METTL15: variants seen among roughly 807,000 people sequenced by gnomAD.
METTL15 encodes the protein 12S rRNA N(4)-cytidine methyltransferase METTL15.
Under a neutral mutation model 38.3 loss-of-function variants are expected in METTL15, and 34 were observed. The observed-to-expected ratio is 0.89, with a 90% CI of 0.68 to 1.18. METTL15 has a LOEUF of 1.18. METTL15 is among the 50% of genes most tolerant of loss of function. The pLI is 0.00. For synonymous variants in METTL15, 162 were observed against 170.9 expected, an observed-to-expected ratio of 0.95 and a Z score of 0.41; for missense variants, 438 against 498.4, an observed-to-expected ratio of 0.88 and a Z score of 1.15.
intron 3 of METTL15, among the ~76,000 whole-genome samples, chr11:28,346,446 T>G (rs1050124159): frequency 6.6e-6 from 1 of 152,192 alleles, no homozygotes; most frequent in Admixed American, 6.5e-5. Context: ...TTATGCAATC[T>G]GGAGGACTTT....
intron 3 of METTL15, among the ~76,000 whole-genome samples, chr11:28,196,337 A>G (rs1851908196): frequency 1.3e-5 from 2 of 151,934 alleles, no homozygotes; most frequent in South Asian, 4.1e-4. Flanking sequence ...CCATGAACGT[A>G]GGATGTATTT....
chr11:28,204,140 T>C (rs934755270), intron 3 of METTL15, among the ~76,000 whole-genome samples: 7 of 152,102 alleles, frequency 4.6e-5, no homozygotes, highest in Admixed American at 2.6e-4. Flanking sequence ...TTTGCACTGA[T>C]GCTGCCACAT....
intron 6 of METTL15, among the ~76,000 whole-genome samples, chr11:28,456,291 G>A (rs1287364240): frequency 6.6e-6 from 1 of 152,106 alleles, no homozygotes; most frequent in African/African-American, 2.4e-5. Flanking sequence ...TACAGGCATT[G>A]ACTGCCATGT....
intron 6 of METTL15, among the ~76,000 whole-genome samples, chr11:28,434,205 T>G (rs1850961555): frequency 6.6e-6 from 1 of 152,194 alleles, no homozygotes; most frequent in African/African-American, 2.4e-5. Flanking sequence ...CCCCTTCACT[T>G]GGCTCTTATT....
intron 4 of METTL15, among the ~76,000 whole-genome samples, chr11:28,221,738 A>C (rs1278752787): frequency 6.6e-6 from 1 of 151,988 alleles, no homozygotes; most frequent in South Asian, 2.1e-4. Context: ...TTTGGTGTGG[A>C]TGTCCTTTCT....
chr11:28,200,344 A>G (rs1852063241), intron 3 of METTL15, among the ~76,000 whole-genome samples: 1 of 152,150 alleles, frequency 6.6e-6, no homozygotes, highest in South Asian at 2.1e-4. Flanking sequence ...TTTGAGAATT[A>G]CTTAATTAAC....
intron 3 of METTL15, among the ~76,000 whole-genome samples, chr11:28,163,071 A>C (rs1850527324): frequency 6.6e-6 from 1 of 152,086 alleles, no homozygotes; most frequent in African/African-American, 2.4e-5. Context: ...GGGCAATAGA[A>C]TTTGTTGAAA....
intron 3 of METTL15, among the ~76,000 whole-genome samples, chr11:28,133,908 A>G (rs1029774101): frequency 6.6e-6 from 1 of 152,184 alleles, no homozygotes; most frequent in African/African-American, 2.4e-5. Flanking sequence ...GTAATTTTTT[A>G]TGCAGGATAC....
At chr11:28,340,108 T>C (rs1476494115) in intron 3 of METTL15, among the ~76,000 whole-genome samples, 1 of 152,126 alleles carries the variant, frequency 6.6e-6, no homozygotes, top group African/African-American at 2.4e-5. Context: ...ATACGTACAC[T>C]AATTTGTTTT....
intron 5 of METTL15, among the ~76,000 whole-genome samples, chr11:28,406,383 A>G (rs118073785): frequency 0.01 from 1,583 of 151,780 alleles, 17 homozygotes; most frequent in Middle Eastern, 0.024. Context: ...CTGCTTGCCT[A>G]TTGTTGGTGT....
chr11:28,303,264 C>T (rs1218885009), intron 6 of METTL15, among the ~76,000 whole-genome samples: 2 of 152,124 alleles, frequency 1.3e-5, no homozygotes, highest in Non-Finnish European at 2.9e-5. Flanking sequence ...TAATTCTAGA[C>T]CTCATCTTTC....
At chr11:28,334,481 G>A (rs1351755656), downstream of METTL15, among the ~76,000 whole-genome samples, 1 of 151,944 alleles carries the variant, frequency 6.6e-6, no homozygotes, top group Admixed American at 6.6e-5. Context: ...ACAGGGATAA[G>A]CATTTAAACA....
At chr11:28,430,937 T>C (rs1309769424) in intron 6 of METTL15, among the ~76,000 whole-genome samples, 7 of 99,458 alleles carry the variant, frequency 7.0e-5, no homozygotes, top group East Asian at 3.1e-4. Context: ...AGCCGCCCCG[T>C]CCGGGAGGTG....
chr11:28,342,604 T>G (rs1374992413), intron 3 of METTL15, among the ~76,000 whole-genome samples: 5 of 152,162 alleles, frequency 3.3e-5, no homozygotes, highest in Non-Finnish European at 7.4e-5. Flanking sequence ...CTCTGTCCTT[T>G]CTTCCCCATT....
intron 4 of METTL15, among the ~76,000 whole-genome samples, chr11:28,254,797 T>C (rs1052022989): frequency 1.3e-5 from 2 of 152,126 alleles, no homozygotes; most frequent in Admixed American, 1.3e-4. Flanking sequence ...GATGTATAGA[T>C]TTTTTTCTGG....
intron 6 of METTL15, among the ~76,000 whole-genome samples, chr11:28,472,725 G>C (rs1281463086): frequency 6.6e-6 from 1 of 152,060 alleles, no homozygotes; most frequent in African/African-American, 2.4e-5. Flanking sequence ...AGCCAAGAGG[G>C]TATTGCAGAT....
In METTL15 at chr11:28,163,529, A is replaced by ATCTC. The variant is rs756098921; in HGVS notation, c.271-47513_271-47510dup. 4.6e-3 allele frequency: 1,571 copies of ATCTC among 338,414 alleles called. 3 individuals are homozygous for ATCTC. The highest frequency in any genetic ancestry group is 7.4e-3 in the Non-Finnish European group (1,392 of 188,602). The allele number at this position is 338,414 out of a possible 1,614,324, so 21.0% of individuals were successfully genotyped here. The stretch of plus-strand genomic sequence containing the variant: ...TCTAATAAGATGCTTCTTCTTACTG[A>ATCTC]TCTCTCTCTCTCTCTCTCTCTCTGT... On this transcript the variant is annotated intron_variant, in intron 3 of 6. Transcript: ENST00000407364.
At chr11:28,437,707 T>C (rs1022988645) in intron 6 of METTL15, among the ~76,000 whole-genome samples, 7 of 152,252 alleles carry the variant, frequency 4.6e-5, no homozygotes, top group African/African-American at 1.7e-4. Context: ...TTGTTCGTTT[T>C]ATTTTGCCTA....
intron 6 of METTL15, among the ~76,000 whole-genome samples, chr11:28,461,844 A>T (rs1851218226): frequency 6.6e-6 from 1 of 152,140 alleles, no homozygotes; most frequent in South Asian, 2.1e-4. Context: ...AGGACAATAC[A>T]TTATTGTTAA....
Sources: gnomAD v4.1 joint callset for allele counts (sites outside exome capture counted in the v4.1 genomes callset) on GRCh38, gnomAD v4.1.1 for gene constraint, MANE v1.5 for transcripts, NCBI Gene and HGNC (gene_info 2026-07-23, HGNC 2026-07-21) for gene names.